The following EP400 variants were observed in gnomAD, a reference collection of about 807,000 sequenced individuals.
EP400 encodes the protein E1A-binding protein p400.
Under a neutral mutation model 354.1 loss-of-function variants are expected in EP400, and 105 were observed. That is an observed-to-expected ratio of 0.30 (90% CI 0.25 to 0.35). The LOEUF is 0.35. Ranked by LOEUF, EP400 falls within the 10% of genes least tolerant of loss-of-function variation. EP400 has a pLI of 1.00. For synonymous variants in EP400, 1,646 were observed against 1,716.9 expected, an observed-to-expected ratio of 0.96 and a Z score of 1.02; for missense variants, 3,280 against 4,121.0, an observed-to-expected ratio of 0.80 and a Z score of 5.59.
intron 45 of EP400, among the ~76,000 whole-genome samples, chr12:132,059,860 CA>C (rs1203429291): frequency 0.032 from 4,416 of 139,414 alleles, 68 homozygotes; most frequent in Non-Finnish European, 0.043. Flanking sequence ...ACAGAAAATA[CA>C]AAAAAAAAAA....
At chr12:131,956,281 CAG>C (rs2136461065) in intron 1 of EP400, among the ~76,000 whole-genome samples, 2 of 152,264 alleles carry the variant, frequency 1.3e-5, no homozygotes, top group Non-Finnish European at 2.9e-5. Context: ...GTCTGCTCAT[CAG>C]GGGAAGGTCA....
In EP400 at chr12:132,079,131, A is replaced by G. The variant is rs1896317725; in HGVS notation, c.*1458A>G. 1 of 152,162 alleles carries G rather than the reference A, an allele frequency of 6.6e-6. No individual in the cohort carries two copies. The highest frequency in any genetic ancestry group is 6.5e-5 in the Admixed American group (1 of 15,278). 9.4% of individuals were successfully genotyped at this position (152,162 alleles called of 1,614,324 possible). On this transcript the variant is annotated 3_prime_UTR_variant, in exon 53 of 53. Coordinates refer to ENST00000389561, the MANE Select transcript of EP400 (RefSeq NM_015409.5). ...TCATCTGCTTCCTCCCCATTCTCTCACTTTAAGTGACATTGAGGAAGGTAT... is the reference window on the plus strand; with the variant it reads ...TCATCTGCTTCCTCCCCATTCTCTCGCTTTAAGTGACATTGAGGAAGGTAT...
chr12:132,069,676 G>A (rs769419074), intron 51 of EP400, 35 bp downstream of exon 51: 2 of 1,610,556 alleles, frequency 1.2e-6, no homozygotes, highest in Non-Finnish European at 8.5e-7. Context: ...CCGAGTGTCA[G>A]GAGTGGGTGC....
At chr12:131,950,879 G>T (rs980653182) in intron 1 of EP400, among the ~76,000 whole-genome samples, 1 of 152,152 alleles carries the variant, frequency 6.6e-6, no homozygotes, top group Non-Finnish European at 1.5e-5. Flanking sequence ...GGGCCACCAT[G>T]CCCGGCTCAC....
rs1346801685 is a variant in EP400, at chr12:132,038,822, C to G, written c.6207+726C>G. Among the ~76,000 whole-genome samples, 4 of 152,192 alleles carry G rather than the reference C, an allele frequency of 2.6e-5. No individual in the cohort carries two copies. The highest frequency in any genetic ancestry group is 4.4e-5 in the Non-Finnish European group (3 of 68,032). On this transcript the variant is annotated intron_variant, in intron 32 of 52. Coordinates refer to ENST00000389561, the MANE Select transcript of EP400 (RefSeq NM_015409.5). The surrounding 1 kb of genome is among the most constrained non-coding windows in gnomAD (Gnocchi z 4.2). ...CCTGGAGATGGAGGCCTTCAGCTGC[C>G]TTTGTTCTCTGAGTCCCCTCCTCCT...
intron 1 of EP400, among the ~76,000 whole-genome samples, chr12:131,956,317 A>G (rs985134742): frequency 2.0e-5 from 3 of 152,128 alleles, no homozygotes; most frequent in African/African-American, 4.8e-5. Context: ...GATACGTTTC[A>G]GTGGGTCCTT....
chr12:132,064,001 C>G (rs1467186994), intron 47 of EP400, among the ~76,000 whole-genome samples: 1 of 149,482 alleles, frequency 6.7e-6, no homozygotes, highest in East Asian at 1.9e-4. Context: ...ACCTTGTCAC[C>G]TGCCCCGGTT....
chr12:132,045,395 A>G lies in EP400; in HGVS notation c.6861A>G (p.Pro2287=). Residue 2287 remains proline (P), a synonymous_variant, in exon 38 of 53, where the codon CCA becomes CCG. Coordinates refer to ENST00000389561, the MANE Select transcript of EP400 (RefSeq NM_015409.5). ...PPRSLFDRAT[P]GLLKIRREGK... ...GGTCCCTGTTTGACCGCGCAACACC[A>G]GGACTTCTGAAAATTCGCAGAGAGG... The G allele has an allele frequency of 6.2e-7, 1 of 1,614,254 alleles. No individual in the cohort carries two copies. The highest frequency in any genetic ancestry group is 8.5e-7 in the Non-Finnish European group (1 of 1,180,052).
chr12:131,965,548 A>G (rs1892045931), intron 2 of EP400, among the ~76,000 whole-genome samples: 1 of 152,150 alleles, frequency 6.6e-6, no homozygotes, highest in Admixed American at 6.5e-5. Context: ...GTACTTGTGA[A>G]TTTTGACGAA....
At chr12:131,950,677 T>C (rs888468210) in intron 1 of EP400, among the ~76,000 whole-genome samples, 3 of 152,130 alleles carry the variant, frequency 2.0e-5, no homozygotes, top group Admixed American at 2.0e-4. Flanking sequence ...GCGCCTCTCG[T>C]CACACACCTG....
At chr12:132,065,562 C>A (rs899455028) in intron 48 of EP400, 3 of 152,282 alleles carry the variant, frequency 2.0e-5, no homozygotes, top group Non-Finnish European at 2.9e-5. Flanking sequence ...CTATTAATTC[C>A]ATTTTACAGG....
chr12:131,952,881 T>G (rs1169027774), intron 1 of EP400, among the ~76,000 whole-genome samples: 1 of 152,120 alleles, frequency 6.6e-6, no homozygotes, highest in African/African-American at 2.4e-5. Flanking sequence ...GGGTAACACA[T>G]GAACAGTTCA....
intron 47 of EP400, among the ~76,000 whole-genome samples, chr12:132,063,373 C>T (rs967461673): frequency 9.2e-5 from 14 of 152,064 alleles, no homozygotes; most frequent in South Asian, 2.1e-4. Flanking sequence ...ATTAGCCGGA[C>T]GTGGTGGCGG....
chr12:132,065,027 T>C (rs1490885118), intron 48 of EP400, 141 bp downstream of exon 48: 2 of 1,418,144 alleles, frequency 1.4e-6, no homozygotes, highest in African/African-American at 2.9e-5. Flanking sequence ...TTAGTACCCC[T>C]TGGACAGAGG....
chr12:132,061,870 G>A (rs925338318), intron 45 of EP400, among the ~76,000 whole-genome samples: 1 of 152,272 alleles, frequency 6.6e-6, no homozygotes, highest in Non-Finnish European at 1.5e-5. Context: ...GTGCACGGGC[G>A]TGCCGCCATC....
chr12:131,987,277 C>G (rs1477760815), intron 6 of EP400, among the ~76,000 whole-genome samples: 1 of 152,188 alleles, frequency 6.6e-6, no homozygotes, highest in African/African-American at 2.4e-5. Flanking sequence ...GTCATAAACC[C>G]CATGTTCCCC....
chr12:132,019,953 C>T lies in EP400; in HGVS notation c.4278-96C>T. On this transcript the variant is annotated intron_variant, in intron 21 of 52. Transcript: ENST00000389561. The stretch of plus-strand genomic sequence containing the variant: ...TGGGTGCTGGTCCCTGAGCTGGCTT[C>T]CTATGGGCAGCGGTGAACCCCGGCT... 13 of 1,333,712 alleles carry T rather than the reference C, an allele frequency of 9.7e-6. No homozygotes were observed. The South Asian group carries it at 1.7e-4, about 17-fold the overall frequency. The allele number at this position is 1,333,712 out of a possible 1,614,324, so 82.6% of individuals were successfully genotyped here.
rs1326044516 is a variant in EP400 at position 132,043,420 on chromosome 12, A to C, written c.6324A>C (p.Glu2108Asp). 3.7e-6 allele frequency: 6 copies of C among 1,613,460 alleles called. No individual in the cohort carries two copies. Among genetic ancestry groups the C allele is most frequent in the Non-Finnish European group, 5.1e-6 (6 of 1,180,052 alleles). ...SSDSENMPCD[E>D]EPSQLEELAD... is the part of the protein sequence containing the mutation. ...ACTCTGAGAACATGCCGTGTGATGA[A>C]GAACCATCCCAATTAGAGGAGCTAG... Residue 2108 changes from glutamate to aspartate, a missense_variant, in exon 33 of 53, where the codon GAA becomes GAC. Glu to Asp is a conservative substitution (Grantham distance 45, BLOSUM62 2). Coordinates refer to ENST00000389561, the MANE Select transcript of EP400 (RefSeq NM_015409.5).
intron 32 of EP400, among the ~76,000 whole-genome samples, chr12:132,041,809 G>T (rs1293632817): frequency 6.6e-6 from 1 of 152,054 alleles, no homozygotes; most frequent in African/African-American, 2.4e-5. Flanking sequence ...TCTCATTGTG[G>T]TTTAATTTGT....
Sources: allele counts gnomAD v4.1 joint callset (sites outside exome capture counted in the v4.1 genomes callset), GRCh38; gene constraint gnomAD v4.1.1; non-coding constraint Gnocchi (gnomAD v3.1); transcripts MANE v1.5; gene names NCBI Gene and HGNC (gene_info 2026-07-23, HGNC 2026-07-21).